The following ANKRD30BL variants were observed in gnomAD, a reference collection of about 807,000 sequenced individuals.
ANKRD30BL encodes putative ankyrin repeat domain-containing protein 30B-like.
ANKRD30BL carries 20 observed loss-of-function variants against 18.4 expected under a neutral mutation model. The ratio of observed to expected loss-of-function variants is 1.09; its 90% confidence interval spans 0.77 to 1.58. The LOEUF (loss-of-function observed/expected upper bound fraction) is 1.58. ANKRD30BL is among the 40% of genes most tolerant of loss of function. The pLI, the probability that ANKRD30BL is intolerant of heterozygous loss-of-function variation, is 0.00. For synonymous variants in ANKRD30BL, 72 were observed against 100.9 expected (o/e 0.71, Z 1.72); for missense variants, 224 against 268.6 (o/e 0.83, Z 1.16).
At chr2:132,245,876 G>A (rs1339489831) in intron 1 of ANKRD30BL, among the ~76,000 whole-genome samples, 1 of 151,224 alleles carries the variant, frequency 6.6e-6, no homozygotes, top group East Asian at 2.0e-4. Context: ...CTTTTATAGA[G>A]CAATTGGAAA....
chr2:132,193,613 A>T (rs1226423561), intron 1 of ANKRD30BL, among the ~76,000 whole-genome samples: 4 of 152,198 alleles, frequency 2.6e-5, no homozygotes, highest in Non-Finnish European at 5.9e-5. Context: ...AGCTAGACTC[A>T]TGGAGCCCTG....
At chr2:132,181,923 C>T (rs1234453329) in intron 1 of ANKRD30BL, among the ~76,000 whole-genome samples, 3 of 151,882 alleles carry the variant, frequency 2.0e-5, no homozygotes, top group Non-Finnish European at 4.4e-5. Context: ...ACCAGCCTGA[C>T]CAACATGGAG....
intron 1 of ANKRD30BL, among the ~76,000 whole-genome samples, chr2:132,217,453 G>C (rs566888246): frequency 3.9e-5 from 6 of 152,096 alleles, no homozygotes; most frequent in African/African-American, 1.2e-4. Flanking sequence ...AATATAGACA[G>C]AATCATTTTC....
At chr2:132,172,395 G>T (rs1458475091) in intron 1 of ANKRD30BL, among the ~76,000 whole-genome samples, 1 of 151,952 alleles carries the variant, frequency 6.6e-6, no homozygotes, top group African/African-American at 2.4e-5. Flanking sequence ...TTATTTTCTG[G>T]GGTTTCTTTT....
intron 1 of ANKRD30BL, among the ~76,000 whole-genome samples, chr2:132,231,577 C>A (rs559096769): frequency 2.6e-5 from 4 of 152,174 alleles, no homozygotes; most frequent in Non-Finnish European, 5.9e-5. Context: ...AAAGGGGTGA[C>A]AGATGCACCT....
intron 1 of ANKRD30BL, among the ~76,000 whole-genome samples, chr2:132,198,271 T>C (rs1256320094): frequency 2.3e-4 from 8 of 35,550 alleles, no homozygotes; most frequent in South Asian, 1.1e-3. Context: ...TTCTTTCTTT[T>C]CTTTCTTTCT....
chr2:132,210,302 T>C (rs1049659892), intron 1 of ANKRD30BL, among the ~76,000 whole-genome samples: 4 of 151,680 alleles, frequency 2.6e-5, no homozygotes, highest in Non-Finnish European at 5.9e-5. Context: ...TTTGAAACAC[T>C]CTTTTTGTAG....
intron 1 of ANKRD30BL, among the ~76,000 whole-genome samples, chr2:132,247,197 T>A (rs879003795): frequency 1.3e-5 from 2 of 151,614 alleles, no homozygotes; most frequent in Non-Finnish European, 2.9e-5. Flanking sequence ...CTTTGTGATG[T>A]CTGCATTCAA....
At chr2:132,159,211 A>G (rs1004649149) in intron 1 of ANKRD30BL, among the ~76,000 whole-genome samples, 2 of 152,072 alleles carry the variant, frequency 1.3e-5, no homozygotes, top group Non-Finnish European at 2.9e-5. Flanking sequence ...AATGTCACCT[A>G]TTTCTCTACA....
chr2:132,183,457 T>C (rs1688509211), intron 1 of ANKRD30BL, among the ~76,000 whole-genome samples: 2 of 152,070 alleles, frequency 1.3e-5, no homozygotes, highest in South Asian at 2.1e-4. Context: ...GCTTCATAAA[T>C]ATGACGTAAA....
chr2:132,257,100 G>A (rs1309441048), intron 1 of ANKRD30BL: 1 of 487,264 alleles, frequency 2.1e-6, no homozygotes, highest in African/African-American at 2.0e-5. Flanking sequence ...CGCCTCATGA[G>A]CCCCAGGTCC....
At chr2:132,152,358 A>G (rs1297899328) in intron 4 of ANKRD30BL, 1 of 152,300 alleles carries the variant, frequency 6.6e-6, no homozygotes, top group African/African-American at 2.4e-5. Flanking sequence ...ACAAATCCTT[A>G]CTTTTATACG....
intron 4 of ANKRD30BL, among the ~76,000 whole-genome samples, chr2:132,151,763 A>T (rs1196333965): frequency 1.3e-5 from 2 of 152,040 alleles, no homozygotes; most frequent in African/African-American, 2.4e-5. Flanking sequence ...TATATTTTGT[A>T]ATGAAATATA....
chr2:132,257,166 G>A, intron 1 of ANKRD30BL: 1 of 443,110 alleles, frequency 2.3e-6, no homozygotes, highest in South Asian at 1.6e-5. Context: ...GGGCCACGTT[G>A]CTCGTTTCTC....
chr2:132,213,493 C>A (rs201023234), intron 1 of ANKRD30BL, among the ~76,000 whole-genome samples: 331 of 152,278 alleles, frequency 2.2e-3, no homozygotes, highest in African/African-American at 7.1e-3. Flanking sequence ...AACAACTAGG[C>A]GGAAGCATTC....
At chr2:132,198,843 C>A (rs1249715831) in intron 1 of ANKRD30BL, among the ~76,000 whole-genome samples, 3 of 152,058 alleles carry the variant, frequency 2.0e-5, no homozygotes, top group African/African-American at 7.2e-5. Flanking sequence ...GTTTCGAAAT[C>A]CTGACCTCAG....
chr2:132,172,607 T>C (rs1251324010), intron 1 of ANKRD30BL, among the ~76,000 whole-genome samples: 1 of 152,232 alleles, frequency 6.6e-6, no homozygotes, highest in Admixed American at 6.5e-5. Flanking sequence ...GAGTTCTTTA[T>C]TCTATTATAC....
Position 132,185,762 on chromosome 2 carries a change from T to C in ANKRD30BL, n.442-28616A>G, listed in dbSNP as rs181585009. On this transcript the variant is annotated intron_variant and non_coding_transcript_variant, in intron 1 of 4. Transcript: ENST00000470729. ...CAGCTTGTTCCTCAGTAGTATTCTATATATAAAAAGTAAACACACACACTA... is the reference window on the plus strand; with the variant it reads ...CAGCTTGTTCCTCAGTAGTATTCTACATATAAAAAGTAAACACACACACTA... Among the ~76,000 whole-genome samples the C allele has an allele frequency of 3.9e-3, 592 of 152,252 alleles. 12 individuals carry two copies. Among genetic ancestry groups the C allele is most frequent in the African/African-American group, 0.013 (557 of 41,552 alleles).
rs192204280 is a variant in ANKRD30BL at position 132,156,821 on chromosome 2, T to G, written c.507+152A>C. The G allele has an allele frequency of 2.1e-4, 84 of 394,986 alleles. No individual in the cohort carries two copies. The East Asian group carries it at 2.9e-3, about 14-fold the overall frequency. The allele number at this position is 394,986 out of a possible 1,614,324, so 24.5% of individuals were successfully genotyped here. ...TAGTTCTTGTAAAAATATTAATATTTAAAGCAAAATCCTAGACAATTAAGT... is the reference window on the plus strand; with the variant it reads ...TAGTTCTTGTAAAAATATTAATATTGAAAGCAAAATCCTAGACAATTAAGT... On this transcript the variant is annotated intron_variant, in intron 3 of 5. Coordinates refer to ENST00000409867, the MANE Select transcript of ANKRD30BL (RefSeq NM_001358416.1).
Sources: allele counts gnomAD v4.1 joint callset (sites outside exome capture counted in the v4.1 genomes callset), GRCh38; gene constraint gnomAD v4.1.1; transcripts MANE v1.5; gene names NCBI Gene and HGNC (gene_info 2026-07-23, HGNC 2026-07-21).